KLF12: variants seen among roughly 807,000 people sequenced by gnomAD.
KLF12 encodes Krueppel-like factor 12.
Under a neutral mutation model 37.8 loss-of-function variants are expected in KLF12, and 9 were observed. The ratio of observed to expected loss-of-function variants is 0.24; its 90% confidence interval spans 0.14 to 0.42. The LOEUF is 0.42. Among genes scored for constraint, KLF12 ranks in the 10% least tolerant of loss-of-function variants. The probability of loss-of-function intolerance (pLI) is 1.00; values close to 1 mark genes in which losing one functional copy is unlikely to be tolerated. For missense variants in KLF12, 411 were observed against 516.0 expected (o/e 0.80, Z 1.97); for synonymous variants, 208 against 202.1 (o/e 1.03, Z -0.25).
the KLF12 span, among the ~76,000 whole-genome samples, chr13:74,189,616 G>A: frequency 1.3e-5 from 2 of 152,122 alleles, no homozygotes; most frequent in African/African-American, 4.8e-5. Flanking sequence ...ATGAAAGCGT[G>A]GAAGATCTGC....
intron 5 of KLF12, among the ~76,000 whole-genome samples, chr13:73,784,579 A>G (rs1000933703): frequency 1.3e-5 from 2 of 150,712 alleles, no homozygotes; most frequent in Non-Finnish European, 2.9e-5. Context: ...ATGTCACTGT[A>G]CTATCCCATC....
the KLF12 span, among the ~76,000 whole-genome samples, chr13:74,163,902 AAAAG>A: frequency 1.1e-3 from 102 of 95,846 alleles, no homozygotes; most frequent in African/African-American, 2.0e-3. Context: ...AAATTAAAAA[AAAAG>A]AAATAGTGAC....
chr13:74,250,564 AG>A, the KLF12 span, among the ~76,000 whole-genome samples: 2 of 152,188 alleles, frequency 1.3e-5, no homozygotes, highest in Non-Finnish European at 2.9e-5. Context: ...GGGGCAGAGA[AG>A]GCCAGAGCTA....
chr13:73,838,464 T>C (rs919047084), intron 4 of KLF12, among the ~76,000 whole-genome samples: 8 of 152,144 alleles, frequency 5.3e-5, no homozygotes, highest in African/African-American at 1.2e-4. Flanking sequence ...CACACCCAAA[T>C]TGGATTAGTT....
At chr13:74,198,944 G>A in the KLF12 span, among the ~76,000 whole-genome samples, 14,318 of 152,150 alleles carry the variant, frequency 0.094, 1,155 homozygotes, top group African/African-American at 0.22. Flanking sequence ...GAGTGATCCC[G>A]CTGCTAAAGG....
chr13:74,215,119 C>T, the KLF12 span, among the ~76,000 whole-genome samples: 5 of 151,972 alleles, frequency 3.3e-5, no homozygotes, highest in African/African-American at 1.2e-4. Flanking sequence ...TAATGTCTTC[C>T]TATCTTTTTT....
intron 2 of KLF12, among the ~76,000 whole-genome samples, chr13:73,964,789 G>A (rs1891129596): frequency 6.6e-6 from 1 of 152,046 alleles, no homozygotes; most frequent in South Asian, 2.1e-4. Context: ...CGAGACTGGC[G>A]TGGGTAACAT....
chr13:74,193,359 G>A, the KLF12 span, among the ~76,000 whole-genome samples: 1,010 of 152,258 alleles, frequency 6.6e-3, 11 homozygotes, highest in Middle Eastern at 0.037. Flanking sequence ...TTAATCAACA[G>A]ACATACCTAT....
intron 3 of KLF12, among the ~76,000 whole-genome samples, chr13:73,900,457 T>C (rs1220513240): frequency 6.6e-6 from 1 of 152,218 alleles, no homozygotes; most frequent in East Asian, 1.9e-4. Flanking sequence ...AATCTTTTAA[T>C]ACATTTTTTC....
chr13:74,054,508 T>C (rs1873129040), intron 1 of KLF12, among the ~76,000 whole-genome samples: 1 of 152,150 alleles, frequency 6.6e-6, no homozygotes, highest in Non-Finnish European at 1.5e-5. Flanking sequence ...AGTGAATACT[T>C]GGTTTTAGAA....
At chr13:74,214,982 C>T in the KLF12 span, among the ~76,000 whole-genome samples, 85 of 151,952 alleles carry the variant, frequency 5.6e-4, no homozygotes, top group East Asian at 7.4e-3. Flanking sequence ...TTAGTAGAGA[C>T]GGGGTTTCAC....
intron 1 of KLF12, among the ~76,000 whole-genome samples, chr13:74,117,462 C>A (rs766516291): frequency 6.6e-6 from 1 of 151,962 alleles, no homozygotes; most frequent in Non-Finnish European, 1.5e-5. Context: ...TGTACCCATG[C>A]CAATATAAAT....
the KLF12 span, among the ~76,000 whole-genome samples, chr13:74,302,929 G>A: frequency 5.3e-5 from 8 of 152,006 alleles, no homozygotes; most frequent in Non-Finnish European, 1.2e-4. Flanking sequence ...TAATTTTCTT[G>A]CCTGAATTAA....
the KLF12 span, among the ~76,000 whole-genome samples, chr13:74,271,006 G>A: frequency 6.6e-6 from 1 of 152,274 alleles, no homozygotes; most frequent in East Asian, 1.9e-4. Context: ...AGAAGGAGGT[G>A]AGCGGTGGGT....
intron 3 of KLF12, among the ~76,000 whole-genome samples, chr13:73,899,359 A>C (rs1034352443): frequency 6.6e-6 from 1 of 152,198 alleles, no homozygotes; most frequent in East Asian, 1.9e-4. Flanking sequence ...AAGGAGGGGA[A>C]GTAAGTGACT....
chr13:74,179,849 A>G, the KLF12 span, among the ~76,000 whole-genome samples: 1 of 152,246 alleles, frequency 6.6e-6, no homozygotes, highest in East Asian at 1.9e-4. Context: ...CGTACTTTCC[A>G]AAGAGTCCCC....
chr13:73,818,147 T>TATTTATTTA (rs1566391370), intron 4 of KLF12, among the ~76,000 whole-genome samples: 1 of 151,568 alleles, frequency 6.6e-6, no homozygotes, highest in African/African-American at 2.4e-5. Context: ...ACTTATTTAT[T>TATTTATTTA]TTTATTTATT....
At chr13:73,905,279 T>C (rs1888223021) in intron 3 of KLF12, among the ~76,000 whole-genome samples, 1 of 152,186 alleles carries the variant, frequency 6.6e-6, no homozygotes, top group South Asian at 2.1e-4. Context: ...CAAATTATTG[T>C]TTTACTTGTA....
intron 1 of KLF12, among the ~76,000 whole-genome samples, chr13:74,113,118 G>A (rs373099271): frequency 2.2e-4 from 33 of 152,260 alleles, no homozygotes; most frequent in Non-Finnish European, 3.7e-4. Context: ...AGAAAGTTGC[G>A]TTGGAAGCCG....
Sources: allele counts gnomAD v4.1 joint callset (sites outside exome capture counted in the v4.1 genomes callset), GRCh38; gene constraint gnomAD v4.1.1; transcripts MANE v1.5; gene names NCBI Gene and HGNC (gene_info 2026-07-23, HGNC 2026-07-21).